Variants in SPI1 observed in about 807,000 individuals in gnomAD.
The protein encoded by SPI1 is transcription factor PU.1.
SPI1 carries 3 observed loss-of-function variants against 30.7 expected under a neutral mutation model. That is an observed-to-expected ratio of 0.10 (90% CI 0.04 to 0.25). SPI1 has a LOEUF of 0.25. Among genes scored for constraint, SPI1 ranks in the 10% least tolerant of loss-of-function variants. SPI1 has a pLI of 1.00. For synonymous variants in SPI1, 169 were observed against 157.1 expected (o/e 1.08, Z -0.56); for missense variants, 261 against 371.5 (o/e 0.70, Z 2.45).
chr11:47,367,306 C>A lies in SPI1; in HGVS notation c.143-7266G>T, dbSNP rs1216681679. 2.0e-5 allele frequency among the ~76,000 whole-genome samples: 3 copies of A among 152,116 alleles called. No individual in the cohort carries two copies. The East Asian group carries it at 5.8e-4, about 29-fold the overall frequency. The stretch of plus-strand genomic sequence containing the variant: ...TGGTGGCTTATGCTTGTAATCCCAG[C>A]ACTTTGGGAGGCCGAGGTGGGTGGA... On this transcript the variant is annotated intron_variant, in intron 2 of 4. Transcript: ENST00000378538.
intron 2 of SPI1, among the ~76,000 whole-genome samples, chr11:47,362,252 T>TTAATAA (rs977574914): frequency 6.6e-6 from 1 of 152,098 alleles, no homozygotes; most frequent in East Asian, 1.9e-4. Flanking sequence ...ATCATTATTA[T>TTAATAA]TAATAATAAT....
chr11:47,372,758 C>G (rs771053435), intron 2 of SPI1, among the ~76,000 whole-genome samples: 16 of 152,186 alleles, frequency 1.1e-4, no homozygotes, highest in Admixed American at 2.0e-4. Flanking sequence ...GGGCCTCGTC[C>G]TCTGCACGTT....
chr11:47,355,747 C>G (rs527849727), intron 4 of SPI1, among the ~76,000 whole-genome samples: 63 of 150,250 alleles, frequency 4.2e-4, no homozygotes, highest in African/African-American at 1.5e-3. Context: ...CAGGCGTTCA[C>G]ACACACCCAC....
rs183539881 is a variant in SPI1, at chr11:47,367,509, A to G, written c.143-7469T>C. ...GTGGAGGTTGCAGTGAGCCAAGGTC[A>G]CACCACTGCACTCCAGTCTGGGCGA... is the stretch of plus-strand genomic sequence containing the variant. On this transcript the variant is annotated intron_variant, in intron 2 of 4. Coordinates refer to ENST00000378538, the MANE Select transcript of SPI1 (RefSeq NM_003120.3). Among the ~76,000 whole-genome samples, 789 of 149,468 alleles carry G rather than the reference A, an allele frequency of 5.3e-3. 9 individuals are homozygous for G. Among genetic ancestry groups the G allele is most frequent in the African/African-American group, 0.018 (713 of 40,346 alleles).
chr11:47,360,771 G>A (rs967401497), intron 2 of SPI1, among the ~76,000 whole-genome samples: 1 of 150,386 alleles, frequency 6.6e-6, no homozygotes, highest in Non-Finnish European at 1.5e-5. Flanking sequence ...GTAGCAGTGA[G>A]CCGAGATTGC....
intron 2 of SPI1, among the ~76,000 whole-genome samples, chr11:47,360,768 T>C (rs2095919541): frequency 6.8e-6 from 1 of 147,678 alleles, no homozygotes; most frequent in Non-Finnish European, 1.5e-5. Context: ...GAGGTAGCAG[T>C]GAGCCGAGAT....
chr11:47,355,389 C>T lies in SPI1; in HGVS notation c.651G>A (p.Lys217=), dbSNP rs767518719. 33 of 1,613,788 alleles carry T rather than the reference C, an allele frequency of 2.0e-5. No homozygotes were observed. The highest frequency in any genetic ancestry group is 2.8e-5 in the Non-Finnish European group (33 of 1,179,824). ...EALAHRWGIQ[K]GNRKKMTYQK... is the part of the protein sequence containing the mutation. ...GGTAGGTCATCTTCTTGCGGTTGCC[C>T]TTCTGGATGCCCCAGCGGTGCGCCA... The change falls in exon 5 of 5, where the codon AAG becomes AAA. Residue 217 remains lysine, a synonymous_variant. Transcript: ENST00000378538.
At chr11:47,358,613 GACAC>G (rs1171438412) in intron 4 of SPI1, 4 of 704,834 alleles carry the variant, frequency 5.7e-6, no homozygotes, top group Non-Finnish European at 1.0e-5. Context: ...GGCACAGAGA[GACAC>G]ACACACCTGG....
intron 4 of SPI1, chr11:47,358,305 G>A (rs956950943): frequency 1.2e-5 from 6 of 511,322 alleles, no homozygotes; most frequent in African/African-American, 9.6e-5. Flanking sequence ...ACTCACACAT[G>A]CCTGCTTACA....
At chr11:47,370,533 C>G (rs947139458) in intron 2 of SPI1, among the ~76,000 whole-genome samples, 3 of 151,824 alleles carry the variant, frequency 2.0e-5, no homozygotes, top group Admixed American at 1.3e-4. Flanking sequence ...GAAACCCCAT[C>G]TCTACTAAAA....
chr11:47,358,600 C>A, intron 4 of SPI1: 1 of 704,292 alleles, frequency 1.4e-6, no homozygotes. Context: ...TACACACACT[C>A]ATGGCACAGA....
At chr11:47,357,444 C>T (rs59409510) in intron 4 of SPI1, among the ~76,000 whole-genome samples, 2,257 of 152,260 alleles carry the variant, frequency 0.015, 30 homozygotes, top group African/African-American at 0.039. Context: ...CCTGTTCACA[C>T]ACAACCACTC....
chr11:47,367,798 C>T (rs1327801431), intron 2 of SPI1, among the ~76,000 whole-genome samples: 1 of 130,618 alleles, frequency 7.7e-6, no homozygotes, highest in Non-Finnish European at 1.6e-5. Context: ...CTTGCTCTCG[C>T]CCAGGCTGGA....
At chr11:47,361,113 T>G (rs1007049903) in intron 2 of SPI1, among the ~76,000 whole-genome samples, 2 of 151,258 alleles carry the variant, frequency 1.3e-5, no homozygotes, top group African/African-American at 2.4e-5. Context: ...GGAGCGAGAC[T>G]CCGTCTCAAA....
chr11:47,358,401 G>T, intron 4 of SPI1: 1 of 625,224 alleles, frequency 1.6e-6, no homozygotes. Flanking sequence ...TACGTGCACA[G>T]CTGCTCACAC....
At chr11:47,362,935 T>G (rs1472948515) in intron 2 of SPI1, among the ~76,000 whole-genome samples, 3 of 151,294 alleles carry the variant, frequency 2.0e-5, no homozygotes, top group Non-Finnish European at 3.0e-5. Context: ...ACAAAAAATT[T>G]TTTTTAACTA....
intron 4 of SPI1, 193 bp downstream of exon 4, chr11:47,358,651 T>G: frequency 1.4e-6 from 1 of 713,070 alleles, no homozygotes; most frequent in Non-Finnish European, 2.5e-6. Flanking sequence ...GATGCCCGTA[T>G]GCACTACACA....
At chr11:47,356,536 C>T (rs2142877411) in intron 4 of SPI1, among the ~76,000 whole-genome samples, 1 of 151,812 alleles carries the variant, frequency 6.6e-6, no homozygotes, top group Non-Finnish European at 1.5e-5. Context: ...ACACACACCT[C>T]ACACCAGGTT....
chr11:47,355,742 G>A (rs1178659750), intron 4 of SPI1, among the ~76,000 whole-genome samples, 196 bp from the exon 5 acceptor site: 2 of 148,460 alleles, frequency 1.3e-5, no homozygotes, highest in East Asian at 2.0e-4. Context: ...ACACACAGGC[G>A]TTCACACACA....
Sources: allele counts gnomAD v4.1 joint callset (sites outside exome capture counted in the v4.1 genomes callset), GRCh38; gene constraint gnomAD v4.1.1; transcripts MANE v1.5; gene names NCBI Gene and HGNC (gene_info 2026-07-23, HGNC 2026-07-21).